The following SRD5A2 variants were observed in gnomAD, a reference collection of about 807,000 sequenced individuals.
SRD5A2 encodes steroid 5 alpha-reductase 2.
SRD5A2 carries 30 observed loss-of-function variants against 27.4 expected under a neutral mutation model. The ratio of observed to expected loss-of-function variants is 1.10; its 90% CI spans 0.82 to 1.49. The LOEUF (loss-of-function observed/expected upper bound fraction) is 1.49, where lower values mean the gene tolerates loss of function less well. Among genes scored for constraint, SRD5A2 ranks in the 40% most tolerant of loss-of-function variants. SRD5A2 has a pLI of 0.00. For synonymous variants in SRD5A2, 141 were observed against 133.6 expected, an observed-to-expected ratio of 1.06 and a Z score of -0.38; for missense variants, 348 against 323.4, an observed-to-expected ratio of 1.08 and a Z score of -0.58.
chr2:31,621,382 G>A, the SRD5A2 span, among the ~76,000 whole-genome samples: 46 of 152,022 alleles, frequency 3.0e-4, 2 homozygotes, highest in Middle Eastern at 0.01. Flanking sequence ...TAACCATTTG[G>A]GATTTTCAAT....
chr2:31,629,329 C>T, the SRD5A2 span, among the ~76,000 whole-genome samples: 16 of 152,282 alleles, frequency 1.1e-4, no homozygotes, highest in South Asian at 4.1e-4. Flanking sequence ...ATCTTGGAAG[C>T]GGCCCACCAC....
intron 1 of SRD5A2, among the ~76,000 whole-genome samples, chr2:31,542,129 G>A (rs1053446669): frequency 6.6e-6 from 1 of 152,098 alleles, no homozygotes; most frequent in African/African-American, 2.4e-5. Flanking sequence ...TGCAACACCA[G>A]GCAACACAAC....
the SRD5A2 span, among the ~76,000 whole-genome samples, chr2:31,635,707 T>C: frequency 6.6e-5 from 10 of 152,146 alleles, no homozygotes; most frequent in Non-Finnish European, 5.9e-5. Flanking sequence ...TATTTAAGTC[T>C]TCAATACATT....
At chr2:31,532,939 A>C (rs1468791738) in intron 2 of SRD5A2, among the ~76,000 whole-genome samples, 1 of 152,048 alleles carries the variant, frequency 6.6e-6, no homozygotes. Context: ...CCATGAATAC[A>C]TGGGGGCAAA....
the SRD5A2 span, among the ~76,000 whole-genome samples, chr2:31,620,384 G>A: frequency 6.6e-6 from 1 of 152,070 alleles, no homozygotes; most frequent in African/African-American, 2.4e-5. Flanking sequence ...AGGAAGAGAG[G>A]AAGCCAAACT....
intron 1 of SRD5A2, chr2:31,563,490 G>C (rs890119507): frequency 2.6e-5 from 4 of 152,094 alleles, no homozygotes; most frequent in African/African-American, 9.7e-5. Context: ...CCTCATAACT[G>C]ACCCAGCTTC....
the SRD5A2 span, among the ~76,000 whole-genome samples, chr2:31,643,637 G>GA: frequency 0.046 from 7,015 of 152,056 alleles, 290 homozygotes; most frequent in Admixed American, 0.12. Context: ...GACAGGGGCA[G>GA]AAAAAATATA....
At chr2:31,612,998 C>G in the SRD5A2 span, among the ~76,000 whole-genome samples, 2 of 151,970 alleles carry the variant, frequency 1.3e-5, no homozygotes, top group South Asian at 4.2e-4. Flanking sequence ...TTATTTCATA[C>G]CATATACAAA....
In SRD5A2 at chr2:31,525,060, A is replaced by G. The variant is rs529356217; in HGVS notation, c.*1136T>C. Reference sequence around the variant, plus strand: ...AAACTTTGTAAAAAAAAAAAAAACTATATGTCTGAGCCAAACAAAACAGGT... The same window carrying G: ...AAACTTTGTAAAAAAAAAAAAAACTGTATGTCTGAGCCAAACAAAACAGGT... On this transcript the variant is annotated 3_prime_UTR_variant, in exon 5 of 5. Coordinates refer to ENST00000622030, the MANE Select transcript of SRD5A2 (RefSeq NM_000348.4). 7.4e-5 allele frequency: 16 copies of G among 215,294 alleles called. No homozygotes were observed. The highest frequency in any genetic ancestry group is 5.9e-4 in the Admixed American group (10 of 17,092). The allele number at this position is 215,294 out of a possible 1,614,324, so 13.3% of individuals were successfully genotyped here.
the SRD5A2 span, among the ~76,000 whole-genome samples, chr2:31,634,283 G>T: frequency 1.3e-5 from 2 of 152,060 alleles, no homozygotes; most frequent in Non-Finnish European, 2.9e-5. Flanking sequence ...TTGAAGACAG[G>T]TCAAAAGAAG....
At chr2:31,593,974 C>A in the SRD5A2 span, among the ~76,000 whole-genome samples, 1 of 152,102 alleles carries the variant, frequency 6.6e-6, no homozygotes, top group African/African-American at 2.4e-5. Context: ...GAGATAAAGT[C>A]TTTTCCAAAC....
chr2:31,554,974 T>C (rs1666465414), intron 1 of SRD5A2, among the ~76,000 whole-genome samples: 1 of 148,698 alleles, frequency 6.7e-6, no homozygotes, highest in Admixed American at 6.7e-5. Flanking sequence ...TGTGTATGTG[T>C]GTGTGTGTGT....
At chr2:31,645,385 T>C in the SRD5A2 span, among the ~76,000 whole-genome samples, 3 of 152,194 alleles carry the variant, frequency 2.0e-5, no homozygotes, top group Non-Finnish European at 4.4e-5. Context: ...ATTGCATGCC[T>C]GTATCAAAAC....
At chr2:31,654,682 C>T in the SRD5A2 span, among the ~76,000 whole-genome samples, 1 of 152,114 alleles carries the variant, frequency 6.6e-6, no homozygotes, top group Admixed American at 6.5e-5. Context: ...CCACTCAAGC[C>T]TTAAAAGCCT....
At chr2:31,624,918 C>T in the SRD5A2 span, among the ~76,000 whole-genome samples, 1 of 152,118 alleles carries the variant, frequency 6.6e-6, no homozygotes, top group Non-Finnish European at 1.5e-5. Flanking sequence ...AGTTCTAGAT[C>T]CTTGAGGAAT....
chr2:31,647,566 G>A, the SRD5A2 span, among the ~76,000 whole-genome samples: 1 of 152,116 alleles, frequency 6.6e-6, no homozygotes, highest in East Asian at 1.9e-4. Flanking sequence ...TTTTTGGAAA[G>A]CTAGTTATAA....
chr2:31,614,025 T>C, the SRD5A2 span, among the ~76,000 whole-genome samples: 1 of 152,322 alleles, frequency 6.6e-6, no homozygotes, highest in South Asian at 2.1e-4. Context: ...CAGCAAACCA[T>C]ATTATTCTGC....
Position 31,564,591 on chromosome 2 carries a change from A to C in SRD5A2, c.281+16029T>G, listed in dbSNP as rs796183483. 6.6e-5 allele frequency among the ~76,000 whole-genome samples: 10 copies of C among 152,088 alleles called. 1 individual carries two copies. The highest frequency in any genetic ancestry group is 2.4e-4 in the African/African-American group (10 of 41,564). On this transcript the variant is annotated intron_variant, in intron 1 of 4. Coordinates refer to ENST00000622030, the MANE Select transcript of SRD5A2 (RefSeq NM_000348.4). ...ATAAGAAATATAAATACACCAAGGAATATAGTAACCCAACATCTCAAATCC... is the reference window on the plus strand; with the variant it reads ...ATAAGAAATATAAATACACCAAGGACTATAGTAACCCAACATCTCAAATCC...
chr2:31,548,030 C>T (rs561629409), intron 1 of SRD5A2, among the ~76,000 whole-genome samples: 68 of 152,186 alleles, frequency 4.5e-4, no homozygotes, highest in African/African-American at 1.6e-3. Flanking sequence ...GCTGGGAAAA[C>T]TGGATATCCA....
Sources: gnomAD v4.1 joint callset for allele counts (sites outside exome capture counted in the v4.1 genomes callset) on GRCh38, gnomAD v4.1.1 for gene constraint, MANE v1.5 for transcripts, NCBI Gene and HGNC (gene_info 2026-07-23, HGNC 2026-07-21) for gene names.